CDC73: variants seen among roughly 807,000 people sequenced by gnomAD.
CDC73 encodes the protein parafibromin.
Under a neutral mutation model 83.7 loss-of-function variants are expected in CDC73, and 21 were observed. The observed-to-expected ratio is 0.25, with a 90% CI of 0.18 to 0.36. CDC73 has a LOEUF of 0.36. Among genes scored for constraint, CDC73 ranks in the 10% least tolerant of loss-of-function variants. CDC73 has a pLI of 1.00. For synonymous variants in CDC73, 224 were observed against 212.9 expected (o/e 1.05, Z -0.45); for missense variants, 342 against 653.3 (o/e 0.52, Z 5.19).
chr1:193,122,375 T>C (rs1675468312), intron 1 of CDC73, 44 bp downstream of exon 1: 1 of 1,613,130 alleles, frequency 6.2e-7, no homozygotes, highest in Admixed American at 1.7e-5. Flanking sequence ...AGGGCAGAGT[T>C]GGGCGCCCCC....
chr1:193,165,433 A>G (rs912941704), intron 10 of CDC73, among the ~76,000 whole-genome samples: 1 of 152,232 alleles, frequency 6.6e-6, no homozygotes, highest in African/African-American at 2.4e-5. Context: ...AGAAGACTTT[A>G]TGTATCAGTA....
At chr1:193,190,864 AT>A (rs1324386494) in intron 10 of CDC73, among the ~76,000 whole-genome samples, 1 of 152,122 alleles carries the variant, frequency 6.6e-6, no homozygotes, top group Non-Finnish European at 1.5e-5. Flanking sequence ...GGTAGTACTG[AT>A]TTCTACGAGG....
chr1:193,192,150 C>T (rs1558305661), intron 10 of CDC73, among the ~76,000 whole-genome samples: 1 of 152,030 alleles, frequency 6.6e-6, no homozygotes, highest in Non-Finnish European at 1.5e-5. Context: ...GAATAGAAAG[C>T]AAGTGTTGGG....
intron 11 of CDC73, among the ~76,000 whole-genome samples, chr1:193,211,138 C>G (rs1291031982): frequency 6.6e-6 from 1 of 152,170 alleles, no homozygotes; most frequent in Non-Finnish European, 1.5e-5. Context: ...TCCCCACTTA[C>G]TAGCAGGGCA....
At chr1:193,227,502 T>G (rs1677585383) in intron 13 of CDC73, among the ~76,000 whole-genome samples, 1 of 151,838 alleles carries the variant, frequency 6.6e-6, no homozygotes, top group South Asian at 2.1e-4. Flanking sequence ...GTTACAAGAA[T>G]GGAAACCTGA....
chr1:193,137,248 T>C (rs1399979861), intron 5 of CDC73, among the ~76,000 whole-genome samples: 1 of 152,254 alleles, frequency 6.6e-6, no homozygotes, highest in Non-Finnish European at 1.5e-5. Flanking sequence ...TATTTTTGCA[T>C]TTATTTCAGC....
chr1:193,213,475 A>G (rs1374627996), intron 13 of CDC73, among the ~76,000 whole-genome samples: 1 of 152,090 alleles, frequency 6.6e-6, no homozygotes, highest in Admixed American at 6.6e-5. Flanking sequence ...CTTCTGTCAG[A>G]ATGCGTTTTA....
At position 193,249,737 on chromosome 1, in the gene CDC73, C is replaced by T. The variant is rs1572226219; in HGVS notation, c.1425C>T (p.Ala475=). 1 of 1,608,278 alleles carries T rather than the reference C, an allele frequency of 6.2e-7. No homozygotes were observed. The highest frequency in any genetic ancestry group is 8.5e-7 in the Non-Finnish European group (1 of 1,175,154). ...TCTCCACCCTCTCTATAGTTAAAGC[C>T]TTCCATCTGAAGTATGATGAAGTTC... is the stretch of plus-strand genomic sequence containing the variant. The part of the protein sequence containing the change: ...SPVDIFAKIK[A]FHLKYDEVRL... The change falls in exon 16 of 17, where the codon GCC becomes GCT. Residue 475 remains alanine, a synonymous_variant. Coordinates refer to ENST00000367435, the MANE Select transcript of CDC73 (RefSeq NM_024529.5).
At chr1:193,182,726 C>T (rs997358745) in intron 10 of CDC73, among the ~76,000 whole-genome samples, 24 of 152,078 alleles carry the variant, frequency 1.6e-4, no homozygotes, top group African/African-American at 5.8e-4. Flanking sequence ...GTTTTCAGTG[C>T]ATAGCACAGA....
intron 10 of CDC73, among the ~76,000 whole-genome samples, chr1:193,191,688 C>G (rs1036388856): frequency 6.6e-6 from 1 of 152,090 alleles, no homozygotes; most frequent in Non-Finnish European, 1.5e-5. Context: ...CACCTGGCCT[C>G]TATCATTAAT....
chr1:193,157,321 C>A (rs746818469), intron 10 of CDC73, among the ~76,000 whole-genome samples: 1 of 152,130 alleles, frequency 6.6e-6, no homozygotes, highest in Non-Finnish European at 1.5e-5. Flanking sequence ...CGTTTATGAA[C>A]AGTCAGGAAG....
chr1:193,135,226 C>A (rs901840902), intron 3 of CDC73, among the ~76,000 whole-genome samples, 165 bp from the exon 4 acceptor site: 2 of 152,116 alleles, frequency 1.3e-5, no homozygotes, highest in Admixed American at 6.6e-5. Flanking sequence ...ATAGATTAAT[C>A]TTTTAAATAA....
chr1:193,185,225 G>A (rs1326387081), intron 10 of CDC73, among the ~76,000 whole-genome samples: 1 of 151,996 alleles, frequency 6.6e-6, no homozygotes, highest in African/African-American at 2.4e-5. Flanking sequence ...CAGAGACAAC[G>A]TTAAATTTGA....
chr1:193,187,449 ACACT>A (rs1676833975), intron 10 of CDC73, among the ~76,000 whole-genome samples: 1 of 152,180 alleles, frequency 6.6e-6, no homozygotes, highest in Admixed American at 6.5e-5. Context: ...TTAACACTAC[ACACT>A]CACTGAGATT....
intron 10 of CDC73, among the ~76,000 whole-genome samples, chr1:193,157,436 C>T (rs933801211): frequency 6.6e-6 from 1 of 152,088 alleles, no homozygotes; most frequent in African/African-American, 2.4e-5. Context: ...ATTAGGCATC[C>T]ATTATAATTT....
chr1:193,191,641 C>T (rs984875652), intron 10 of CDC73, among the ~76,000 whole-genome samples: 5 of 152,198 alleles, frequency 3.3e-5, no homozygotes, highest in African/African-American at 1.2e-4. Context: ...CCACCTCGTC[C>T]TCCCAAAGTG....
At chr1:193,180,840 G>A in intron 10 of CDC73, 7 of 1,614,012 alleles carry the variant, frequency 4.3e-6, no homozygotes, top group Non-Finnish European at 5.9e-6. Context: ...TATGTGGACA[G>A]TATGTTGCAA....
intron 10 of CDC73, among the ~76,000 whole-genome samples, chr1:193,183,932 A>G (rs1275073991): frequency 6.6e-6 from 1 of 151,874 alleles, no homozygotes; most frequent in Non-Finnish European, 1.5e-5. Context: ...TGTTTGAGTT[A>G]AAGGACTGAG....
intron 15 of CDC73, among the ~76,000 whole-genome samples, chr1:193,240,351 G>C (rs1029357848): frequency 1.3e-5 from 2 of 152,150 alleles, no homozygotes; most frequent in African/African-American, 4.8e-5. Context: ...TTGATAAACT[G>C]ATTTTCTTTC....
Sources: allele counts gnomAD v4.1 joint callset (sites outside exome capture counted in the v4.1 genomes callset), GRCh38; gene constraint gnomAD v4.1.1; transcripts MANE v1.5; gene names NCBI Gene and HGNC (gene_info 2026-07-23, HGNC 2026-07-21).